The following SUGCT variants were observed in gnomAD, a reference collection of about 807,000 sequenced individuals.
SUGCT encodes the protein succinyl-CoA:glutarate-CoA transferase, also known as succinyl-CoA:glutarate CoA-transferase.
In SUGCT, 41 loss-of-function variants were observed where a neutral mutation model predicts 55.0. The observed-to-expected ratio is 0.74, with a 90% confidence interval of 0.58 to 0.97. The LOEUF (loss-of-function observed/expected upper bound fraction) is 0.97. Ranked by LOEUF, SUGCT falls within the 50% of genes least tolerant of loss-of-function variation. The probability of loss-of-function intolerance (pLI) is 0.00; values close to 1 mark genes in which losing one functional copy is unlikely to be tolerated. For missense variants in SUGCT, 568 were observed against 547.8 expected (o/e 1.04, Z -0.37); for synonymous variants, 187 against 200.4 (o/e 0.93, Z 0.56).
At chr7:40,819,078 G>A (rs1360948383) in intron 13 of SUGCT, among the ~76,000 whole-genome samples, 1 of 151,866 alleles carries the variant, frequency 6.6e-6, no homozygotes, top group Admixed American at 6.6e-5. Flanking sequence ...TCCCTACAAA[G>A]GACATGAAAT....
chr7:40,202,628 G>T (rs1275829035), intron 6 of SUGCT, among the ~76,000 whole-genome samples: 1 of 152,126 alleles, frequency 6.6e-6, no homozygotes, highest in Admixed American at 6.5e-5. Flanking sequence ...TGACTTGACT[G>T]GTGTAGTTGT....
intron 9 of SUGCT, among the ~76,000 whole-genome samples, chr7:40,448,950 G>GTGTATA (rs1554341106): frequency 8.5e-5 from 12 of 141,984 alleles, no homozygotes; most frequent in African/African-American, 3.3e-4. Context: ...GTGTGTGTGT[G>GTGTATA]TATATATATA....
chr7:40,607,555 T>C (rs1022453569), intron 12 of SUGCT, among the ~76,000 whole-genome samples: 12 of 152,176 alleles, frequency 7.9e-5, no homozygotes, highest in Non-Finnish European at 1.3e-4. Context: ...TAGAGCAATG[T>C]AAGTGTTCAA....
At chr7:40,194,655 C>T (rs1191244272) in intron 5 of SUGCT, among the ~76,000 whole-genome samples, 1 of 152,196 alleles carries the variant, frequency 6.6e-6, no homozygotes, top group Non-Finnish European at 1.5e-5. Context: ...TTTTGAGAAT[C>T]TATTTGGACA....
intron 9 of SUGCT, among the ~76,000 whole-genome samples, chr7:40,440,989 A>G (rs965243928): frequency 1.3e-5 from 2 of 151,648 alleles, no homozygotes; most frequent in African/African-American, 2.4e-5. Context: ...TGGGTTTTGT[A>G]CTTTTCTTTT....
chr7:40,846,125 G>A (rs1262437312), intron 13 of SUGCT, among the ~76,000 whole-genome samples: 1 of 152,138 alleles, frequency 6.6e-6, no homozygotes, highest in Non-Finnish European at 1.5e-5. Flanking sequence ...TACTTTGAAG[G>A]ACTATGGAGC....
At chr7:40,269,607 G>A (rs1448671606) in intron 7 of SUGCT, among the ~76,000 whole-genome samples, 3 of 152,118 alleles carry the variant, frequency 2.0e-5, no homozygotes, top group African/African-American at 4.8e-5. Context: ...ACAGGTATGA[G>A]CCACTGCTCC....
chr7:40,300,337 C>T (rs548944908), intron 8 of SUGCT, among the ~76,000 whole-genome samples: 1 of 152,134 alleles, frequency 6.6e-6, no homozygotes, highest in South Asian at 2.1e-4. Context: ...AATCAGGGTC[C>T]AAATTCCTTT....
chr7:40,522,803 C>T (rs1201718966), intron 12 of SUGCT, among the ~76,000 whole-genome samples: 1 of 152,058 alleles, frequency 6.6e-6, no homozygotes, highest in Non-Finnish European at 1.5e-5. Context: ...GTCCCATGTG[C>T]ATATTGACAA....
At chr7:40,424,508 TA>T (rs1787479422) in intron 9 of SUGCT, among the ~76,000 whole-genome samples, 1 of 152,058 alleles carries the variant, frequency 6.6e-6, no homozygotes, top group Non-Finnish European at 1.5e-5. Flanking sequence ...GATTTGGAGG[TA>T]GGGGTTTGTG....
intron 12 of SUGCT, among the ~76,000 whole-genome samples, chr7:40,519,520 T>A (rs1793416506): frequency 6.6e-6 from 1 of 151,948 alleles, no homozygotes; most frequent in African/African-American, 2.4e-5. Context: ...GAAACAACAC[T>A]GCATAAGAGA....
chr7:40,228,188 T>G (rs775930410), intron 6 of SUGCT, among the ~76,000 whole-genome samples: 1 of 152,270 alleles, frequency 6.6e-6, no homozygotes, highest in East Asian at 1.9e-4. Flanking sequence ...TGGTCTTTCT[T>G]TCTTTCCTTT....
At chr7:40,676,111 A>G (rs1446865027) in intron 12 of SUGCT, among the ~76,000 whole-genome samples, 1 of 152,204 alleles carries the variant, frequency 6.6e-6, no homozygotes, top group African/African-American at 2.4e-5. Flanking sequence ...ATTGACACAT[A>G]ATGATATGAC....
the SUGCT span, among the ~76,000 whole-genome samples, chr7:40,905,245 T>C: frequency 2.6e-5 from 4 of 152,186 alleles, no homozygotes; most frequent in Non-Finnish European, 4.4e-5. Flanking sequence ...CAAGAAACCC[T>C]TGGTTGTGAG....
chr7:40,471,617 T>C (rs1024963821), intron 11 of SUGCT, among the ~76,000 whole-genome samples: 2 of 152,056 alleles, frequency 1.3e-5, no homozygotes, highest in South Asian at 2.1e-4. Flanking sequence ...TTTTCTCATA[T>C]TAACTTTCAC....
At chr7:40,203,572 T>C (rs1786742811) in intron 6 of SUGCT, among the ~76,000 whole-genome samples, 1 of 151,964 alleles carries the variant, frequency 6.6e-6, no homozygotes, top group South Asian at 2.1e-4. Context: ...GTCAGGAGTT[T>C]GAGACCTGCC....
the SUGCT span, among the ~76,000 whole-genome samples, chr7:40,873,364 A>C: frequency 6.6e-6 from 1 of 152,224 alleles, no homozygotes; most frequent in African/African-American, 2.4e-5. Context: ...TTGACTCTAT[A>C]GACCTCAGCA....
intron 3 of SUGCT, among the ~76,000 whole-genome samples, chr7:40,182,572 A>G (rs1453011457): frequency 6.6e-6 from 1 of 151,882 alleles, no homozygotes; most frequent in Non-Finnish European, 1.5e-5. Flanking sequence ...AAAAAAAAAA[A>G]AAAAAATGAA....
intron 12 of SUGCT, among the ~76,000 whole-genome samples, chr7:40,542,061 C>T (rs1025477340): frequency 2.0e-5 from 3 of 151,934 alleles, no homozygotes; most frequent in Non-Finnish European, 2.9e-5. Flanking sequence ...TGGCAAGGGG[C>T]AAGGATCATT....
Sources: gnomAD v4.1 joint callset for allele counts (sites outside exome capture counted in the v4.1 genomes callset) on GRCh38, gnomAD v4.1.1 for gene constraint, MANE v1.5 for transcripts, NCBI Gene and HGNC (gene_info 2026-07-23, HGNC 2026-07-21) for gene names.